The following RARB variants were observed in gnomAD, a reference collection of about 807,000 sequenced individuals.
RARB encodes the protein retinoic acid receptor beta.
A neutral mutation model predicts 51.9 loss-of-function variants in RARB; 17 were observed. The observed-to-expected ratio is 0.33, with a 90% CI of 0.22 to 0.49. The LOEUF is 0.49. Ranked by LOEUF, RARB falls within the 20% of genes least tolerant of loss-of-function variation. RARB has a pLI of 0.99. For synonymous variants in RARB, 215 were observed against 195.4 expected (o/e 1.10, Z -0.84); for missense variants, 369 against 550.8 (o/e 0.67, Z 3.30).
At chr3:25,070,466 C>T (rs1030903739) in intron 3 of RARB, among the ~76,000 whole-genome samples, 5 of 152,146 alleles carry the variant, frequency 3.3e-5, no homozygotes, top group East Asian at 1.9e-4. Flanking sequence ...AAGCACTTAA[C>T]TAGAAATCAC....
intron 3 of RARB, among the ~76,000 whole-genome samples, chr3:25,090,743 A>T (rs1291897212): frequency 6.6e-6 from 1 of 152,168 alleles, no homozygotes; most frequent in Non-Finnish European, 1.5e-5. Context: ...AACAAAGTCT[A>T]ACTTTTAAAC....
At chr3:24,955,466 C>T (rs373298965) in intron 2 of RARB, among the ~76,000 whole-genome samples, 1 of 152,250 alleles carries the variant, frequency 6.6e-6, no homozygotes, top group South Asian at 2.1e-4. Flanking sequence ...AGGGTGGGGC[C>T]TTTGCCAGGG....
In RARB at chr3:24,931,745, A is replaced by G. The variant is rs867207479; in HGVS notation, c.-380+72993A>G. On this transcript the variant is annotated intron_variant, in intron 2 of 11. Transcript: ENST00000383772. ...GGCAATTTCATAGTCTATGATATGAATGGTGTCCCTTAGACTTGAGCAGTG... is the reference window on the plus strand; with the variant it reads ...GGCAATTTCATAGTCTATGATATGAGTGGTGTCCCTTAGACTTGAGCAGTG... Among the ~76,000 whole-genome samples, 6 of 152,216 alleles carry G rather than the reference A, an allele frequency of 3.9e-5. 1 individual carries two copies. The South Asian group carries it at 1.2e-3, about 32-fold the overall frequency.
intron 5 of RARB, among the ~76,000 whole-genome samples, chr3:25,399,449 G>A (rs1175066804): frequency 6.6e-6 from 1 of 152,126 alleles, no homozygotes; most frequent in African/African-American, 2.4e-5. Flanking sequence ...TGTTTGAACA[G>A]GAGCTGAATT....
At chr3:25,210,424 C>G (rs1701663217) in intron 5 of RARB, among the ~76,000 whole-genome samples, 1 of 151,910 alleles carries the variant, frequency 6.6e-6, no homozygotes, top group Non-Finnish European at 1.5e-5. Context: ...TGAAACCCAG[C>G]TATGCCCATT....
At chr3:25,340,013 C>G (rs1705182853) in intron 5 of RARB, among the ~76,000 whole-genome samples, 1 of 152,110 alleles carries the variant, frequency 6.6e-6, no homozygotes, top group Non-Finnish European at 1.5e-5. Context: ...TTTAAAGACC[C>G]TGCCATGGAC....
intron 5 of RARB, among the ~76,000 whole-genome samples, chr3:25,288,279 T>A (rs958560264): frequency 7.9e-5 from 12 of 152,040 alleles, no homozygotes; most frequent in African/African-American, 2.7e-4. Context: ...ATATTAAAAA[T>A]AAAAACAGCA....
chr3:25,173,615 A>C (rs989518166), intron 4 of RARB, among the ~76,000 whole-genome samples: 1 of 152,228 alleles, frequency 6.6e-6, no homozygotes, highest in Admixed American at 6.5e-5. Flanking sequence ...ATTTGGAAGC[A>C]TATCAGTTAG....
intron 2 of RARB, among the ~76,000 whole-genome samples, chr3:25,047,163 G>C (rs1017303851): frequency 6.6e-6 from 1 of 152,152 alleles, no homozygotes; most frequent in Non-Finnish European, 1.5e-5. Flanking sequence ...TTACAGAAAA[G>C]AGCCCAGGAG....
At chr3:25,228,313 GA>G (rs1214237937) in intron 5 of RARB, among the ~76,000 whole-genome samples, 1 of 132,082 alleles carries the variant, frequency 7.6e-6, no homozygotes, top group African/African-American at 2.9e-5. Flanking sequence ...TACTTTCATT[GA>G]TTTTTAGTTT....
chr3:25,200,260 G>A (rs1701356473), intron 5 of RARB, among the ~76,000 whole-genome samples: 1 of 150,314 alleles, frequency 6.7e-6, no homozygotes. Context: ...AGAACTGTCT[G>A]TTCATATCAT....
chr3:25,048,769 T>TTA (rs1456165384), intron 2 of RARB, among the ~76,000 whole-genome samples: 6 of 148,384 alleles, frequency 4.0e-5, no homozygotes, highest in African/African-American at 1.5e-4. Flanking sequence ...TTTTTTTTTT[T>TTA]TTTTGAGACG....
At chr3:25,236,218 G>C (rs1702298131) in intron 5 of RARB, among the ~76,000 whole-genome samples, 1 of 152,096 alleles carries the variant, frequency 6.6e-6, no homozygotes, top group African/African-American at 2.4e-5. Context: ...ATTGTGCCAA[G>C]AACAATGCTA....
At chr3:25,235,210 G>C (rs1459205893) in intron 5 of RARB, among the ~76,000 whole-genome samples, 1 of 152,100 alleles carries the variant, frequency 6.6e-6, no homozygotes, top group Non-Finnish European at 1.5e-5. Context: ...TTACTTTTCA[G>C]AATCCTCAGA....
At chr3:24,980,475 T>G (rs2125425234) in intron 2 of RARB, among the ~76,000 whole-genome samples, 1 of 151,980 alleles carries the variant, frequency 6.6e-6, no homozygotes, top group African/African-American at 2.4e-5. Context: ...GTTTCTCTTC[T>G]TTCTCTAATC....
At chr3:25,048,005 C>T (rs1448078710) in intron 2 of RARB, among the ~76,000 whole-genome samples, 1 of 152,148 alleles carries the variant, frequency 6.6e-6, no homozygotes, top group Non-Finnish European at 1.5e-5. Flanking sequence ...ATGGGAGTTC[C>T]CCTGCACAAG....
chr3:25,271,995 TG>T (rs1207616189), intron 5 of RARB, among the ~76,000 whole-genome samples: 1 of 152,154 alleles, frequency 6.6e-6, no homozygotes, highest in Non-Finnish European at 1.5e-5. Context: ...AGTAATCACA[TG>T]TGGTTATTTA....
intron 2 of RARB, among the ~76,000 whole-genome samples, chr3:24,923,604 C>T (rs540476570): frequency 6.6e-6 from 1 of 152,122 alleles, no homozygotes; most frequent in South Asian, 2.1e-4. Context: ...AAGAATAAAC[C>T]TCAGTGGACT....
chr3:25,119,773 A>G (rs971500418), intron 3 of RARB, among the ~76,000 whole-genome samples: 3 of 152,206 alleles, frequency 2.0e-5, no homozygotes, highest in African/African-American at 7.2e-5. Flanking sequence ...TACAATAAAC[A>G]TTCAGATGGA....
Sources: allele counts gnomAD v4.1 joint callset (sites outside exome capture counted in the v4.1 genomes callset), GRCh38; gene constraint gnomAD v4.1.1; transcripts MANE v1.5; gene names NCBI Gene and HGNC (gene_info 2026-07-23, HGNC 2026-07-21).